LEPROT: variants seen among roughly 807,000 people sequenced by gnomAD.
LEPROT encodes the protein leptin receptor gene-related protein.
Under a neutral mutation model 15.4 loss-of-function variants are expected in LEPROT, and 3 were observed. That is an observed-to-expected ratio of 0.19 (90% CI 0.09 to 0.50). LEPROT has a LOEUF of 0.50. Among genes scored for constraint, LEPROT ranks in the 20% least tolerant of loss-of-function variants. The pLI, the probability that LEPROT is intolerant of heterozygous loss-of-function variation, is 0.97. For synonymous variants in LEPROT, 59 were observed against 57.5 expected, an observed-to-expected ratio of 1.03 and a Z score of -0.12; for missense variants, 137 against 162.2, an observed-to-expected ratio of 0.84 and a Z score of 0.84.
Position 65,432,016 on chromosome 1 carries a change from G to T in LEPROT, c.*97G>T. The T allele has an allele frequency of 6.8e-7, 1 of 1,470,938 alleles. No homozygotes were observed. The allele number at this position is 1,470,938 out of a possible 1,614,324, so 91.1% of individuals were successfully genotyped here. A position where few individuals can be genotyped will look rare whatever the true frequency, so the allele number is the denominator to read the frequency against. The stretch of plus-strand genomic sequence containing the variant: ...ATTTTACTATGAAATTTAATATGCT[G>T]GGTTTTTTAATACCTTTATATATCA... On this transcript the variant is annotated 3_prime_UTR_variant, in exon 4 of 4. Coordinates refer to ENST00000371065, the MANE Select transcript of LEPROT (RefSeq NM_017526.5).
At position 65,431,896 on chromosome 1, in the gene LEPROT, G is replaced by T. The variant is rs1646490319; in HGVS notation, c.373G>T (p.Asp125Tyr). 6.2e-7 allele frequency: 1 copy of T among 1,614,012 alleles called. No homozygotes were observed. The highest frequency in any genetic ancestry group is 1.1e-5 in the South Asian group (1 of 91,030). ...GFFLIFGRGD[D>Y]FSWEQW is the part of the protein sequence containing the mutation. ...TTTCCTTATATTTGGAAGAGGAGAT[G>T]ATTTTAGCTGGGAGCAGTGGTAGCA... Residue 125 changes from aspartate to tyrosine, a missense_variant, in exon 4 of 4, where the codon GAT becomes TAT. Transcript: ENST00000371065.
rs757356631 is a variant in LEPROT, at chr1:65,432,810, T to C, written c.*891T>C. ...CAATATTGCTAAGAGAGTAAATTTCTAATGTTCTCATAAAAAAGTTAAATA... is the reference window on the plus strand; with the variant it reads ...CAATATTGCTAAGAGAGTAAATTTCCAATGTTCTCATAAAAAAGTTAAATA... On this transcript the variant is annotated 3_prime_UTR_variant, in exon 4 of 4. Coordinates refer to ENST00000371065, the MANE Select transcript of LEPROT (RefSeq NM_017526.5). 2 of 548,584 alleles carry C rather than the reference T, an allele frequency of 3.6e-6. No homozygotes were observed. Among genetic ancestry groups the C allele is most frequent in the Non-Finnish European group, 4.6e-6 (2 of 431,332 alleles). The allele number at this position is 548,584 out of a possible 1,614,324, so 34.0% of individuals were successfully genotyped here.
rs1243220909 is a variant in LEPROT, at chr1:65,432,885, A to G, written c.*966A>G. On this transcript the variant is annotated 3_prime_UTR_variant, in exon 4 of 4. Coordinates refer to ENST00000371065, the MANE Select transcript of LEPROT (RefSeq NM_017526.5). ...TAATCATTCCACCTTATATTCAAAAATCATAAAACCGTATTGTACCCTATA... is the reference window on the plus strand; with the variant it reads ...TAATCATTCCACCTTATATTCAAAAGTCATAAAACCGTATTGTACCCTATA... 1.2e-6 allele frequency: 1 copy of G among 869,038 alleles called. No individual in the cohort carries two copies. Among genetic ancestry groups the G allele is most frequent in the Non-Finnish European group, 1.4e-6 (1 of 723,856 alleles). The allele number at this position is 869,038 out of a possible 1,614,324, so 53.8% of individuals were successfully genotyped here.
At chr1:65,430,169 GTT>G (rs1646458859) in intron 3 of LEPROT, 121 bp downstream of exon 3, 3 of 857,012 alleles carry the variant, frequency 3.5e-6, no homozygotes, top group Non-Finnish European at 5.0e-6. Flanking sequence ...TGTGTTTTTA[GTT>G]TCTCTGTTCC....
At chr1:65,423,757 C>A (rs548994222) in intron 1 of LEPROT, among the ~76,000 whole-genome samples, 3 of 152,210 alleles carry the variant, frequency 2.0e-5, no homozygotes, top group African/African-American at 4.8e-5. Flanking sequence ...AGGAAGCAAT[C>A]AAAAATGTTC....
intron 2 of LEPROT, among the ~76,000 whole-genome samples, chr1:65,426,870 C>T (rs758096219): frequency 1.1e-3 from 164 of 152,088 alleles, no homozygotes; most frequent in Non-Finnish European, 1.9e-3. Context: ...TGGTGGCACA[C>T]GCCTGTATTC....
In LEPROT at chr1:65,432,634, T is replaced by A; in HGVS notation, c.*715T>A. On this transcript the variant is annotated 3_prime_UTR_variant, in exon 4 of 4. Coordinates refer to ENST00000371065, the MANE Select transcript of LEPROT (RefSeq NM_017526.5). ...AGTTCAGATGTTCAAGCCTATAATA[T>A]TTAGGCAGTTCCTCAAATTTATGAA... is the stretch of plus-strand genomic sequence containing the variant. 1 of 985,060 alleles carries A rather than the reference T, an allele frequency of 1.0e-6. No homozygotes were observed. Among genetic ancestry groups the A allele is most frequent in the Non-Finnish European group, 1.2e-6 (1 of 829,764 alleles). The allele number at this position is 985,060 out of a possible 1,614,324, so 61.0% of individuals were successfully genotyped here.
chr1:65,434,518 G>C lies in LEPROT; in HGVS notation c.*2599G>C. The C allele has an allele frequency of 1.0e-6, 1 of 985,092 alleles. No homozygotes were observed. Among genetic ancestry groups the C allele is most frequent in the Non-Finnish European group, 1.2e-6 (1 of 829,662 alleles). 61.0% of individuals were successfully genotyped at this position (985,092 alleles called of 1,614,324 possible). A position where few individuals can be genotyped will look rare whatever the true frequency, so the allele number is the denominator to read the frequency against. On this transcript the variant is annotated 3_prime_UTR_variant, in exon 4 of 4. Transcript: ENST00000371065. ...AACAATACTATGAATTGGTGATTGA[G>C]TTCCCAGGCCAAGCCTCCCTCAACA...
rs568746899 is a variant in LEPROT, at chr1:65,434,779, C to T, written c.*2860C>T. The stretch of plus-strand genomic sequence containing the variant: ...TCACCTCTCCCAACTGAGAACCTTC[C>T]CACTGGGCTCCATCCTCCCTCCTGA... On this transcript the variant is annotated 3_prime_UTR_variant, in exon 4 of 4. Transcript: ENST00000371065. The T allele has an allele frequency of 2.0e-5, 20 of 985,382 alleles. No individual in the cohort carries two copies. The East Asian group carries it at 1.8e-3, about 89-fold the overall frequency. 61.0% of individuals were successfully genotyped at this position (985,382 alleles called of 1,614,324 possible).
chr1:65,434,077 T>C lies in LEPROT; in HGVS notation c.*2158T>C. On this transcript the variant is annotated 3_prime_UTR_variant, in exon 4 of 4. Coordinates refer to ENST00000371065, the MANE Select transcript of LEPROT (RefSeq NM_017526.5). ...TTCAATAACCAAGGTAGCCTTCATATGTAGCCTTAAAGCATTACCTCTTGA... is the reference window on the plus strand; with the variant it reads ...TTCAATAACCAAGGTAGCCTTCATACGTAGCCTTAAAGCATTACCTCTTGA... 1 of 985,396 alleles carries C rather than the reference T, an allele frequency of 1.0e-6. No individual in the cohort carries two copies. Among genetic ancestry groups the C allele is most frequent in the Non-Finnish European group, 1.2e-6 (1 of 829,862 alleles). 61.0% of individuals were successfully genotyped at this position (985,396 alleles called of 1,614,324 possible). A position where few individuals can be genotyped will look rare whatever the true frequency, so the allele number is the denominator to read the frequency against.
At position 65,433,694 on chromosome 1, in the gene LEPROT, T is replaced by C. The variant is rs1646519557; in HGVS notation, c.*1775T>C. On this transcript the variant is annotated 3_prime_UTR_variant, in exon 4 of 4. Transcript: ENST00000371065. ...ATATAGAATTGTTAAAGTTGTCATT[T>C]CCAATATTTATATTAGAAAAATTAT... The C allele has an allele frequency of 1.0e-6, 1 of 972,674 alleles. No individual in the cohort carries two copies. The highest frequency in any genetic ancestry group is 1.2e-6 in the Non-Finnish European group (1 of 818,554). 60.3% of individuals were successfully genotyped at this position (972,674 alleles called of 1,614,324 possible).
At chr1:65,427,328 C>T (rs541621880) in intron 2 of LEPROT, among the ~76,000 whole-genome samples, 1 of 152,254 alleles carries the variant, frequency 6.6e-6, no homozygotes, top group African/African-American at 2.4e-5. Context: ...AATCCCAGCA[C>T]TTTGGGAGGC....
At chr1:65,428,664 C>T (rs1646426358) in intron 2 of LEPROT, among the ~76,000 whole-genome samples, 2 of 152,002 alleles carry the variant, frequency 1.3e-5, no homozygotes, top group African/African-American at 4.8e-5. Context: ...CTGGGCGTAT[C>T]TGTGTGATTA....
At position 65,432,787 on chromosome 1, in the gene LEPROT, A is replaced by G. The variant is rs915801399; in HGVS notation, c.*868A>G. 7.6e-5 allele frequency: 40 copies of G among 527,034 alleles called. No individual in the cohort carries two copies. Among genetic ancestry groups the G allele is most frequent in the Admixed American group, 2.5e-4 (4 of 15,712 alleles). The allele number at this position is 527,034 out of a possible 1,614,324, so 32.6% of individuals were successfully genotyped here. A position where few individuals can be genotyped will look rare whatever the true frequency, so the allele number is the denominator to read the frequency against. Reference sequence around the variant, plus strand: ...TAGGAATAATTGAATGTATATTTCAATATTGCTAAGAGAGTAAATTTCTAA... The same window carrying G: ...TAGGAATAATTGAATGTATATTTCAGTATTGCTAAGAGAGTAAATTTCTAA... On this transcript the variant is annotated 3_prime_UTR_variant, in exon 4 of 4. Coordinates refer to ENST00000371065, the MANE Select transcript of LEPROT (RefSeq NM_017526.5).
At chr1:65,431,170 C>G (rs963366958) in intron 3 of LEPROT, among the ~76,000 whole-genome samples, 3 of 152,158 alleles carry the variant, frequency 2.0e-5, no homozygotes, top group Admixed American at 1.3e-4. Context: ...GTGCTTTAGA[C>G]CAGCCCTTCT....
chr1:65,431,739 AG>A, intron 3 of LEPROT, 63 bp from the exon 4 acceptor site: 1 of 1,500,822 alleles, frequency 6.7e-7, no homozygotes. Context: ...AGAAAATAAT[AG>A]GGATTGCAAA....
chr1:65,434,203 C>G lies in LEPROT; in HGVS notation c.*2284C>G. ...CTGAAAAGAGAGCTATTCTGCAGTG[C>G]CTAAATATCATTTAAACAGTAAATA... On this transcript the variant is annotated 3_prime_UTR_variant, in exon 4 of 4. Coordinates refer to ENST00000371065, the MANE Select transcript of LEPROT (RefSeq NM_017526.5). 2 of 982,138 alleles carry G rather than the reference C, an allele frequency of 2.0e-6. No individual in the cohort carries two copies. The highest frequency in any genetic ancestry group is 2.4e-6 in the Non-Finnish European group (2 of 827,120). 60.8% of individuals were successfully genotyped at this position (982,138 alleles called of 1,614,324 possible). A position where few individuals can be genotyped will look rare whatever the true frequency, so the allele number is the denominator to read the frequency against.
intron 2 of LEPROT, among the ~76,000 whole-genome samples, chr1:65,428,329 A>G (rs1339948172): frequency 6.6e-6 from 1 of 152,184 alleles, no homozygotes; most frequent in Non-Finnish European, 1.5e-5. Flanking sequence ...TTCCAGGAAA[A>G]ATTAAGAGTT....
intron 2 of LEPROT, 68 bp from the exon 3 acceptor site, chr1:65,429,794 A>G (rs1029930810): frequency 1.6e-5 from 20 of 1,233,190 alleles, no homozygotes; most frequent in Middle Eastern, 3.0e-4. Context: ...TTGAAATAGT[A>G]GTATGTCTTT....
Sources: allele counts gnomAD v4.1 joint callset (sites outside exome capture counted in the v4.1 genomes callset), GRCh38; gene constraint gnomAD v4.1.1; transcripts MANE v1.5; gene names NCBI Gene and HGNC (gene_info 2026-07-23, HGNC 2026-07-21).